The following ASPRV1 variants were observed in gnomAD, a reference collection of about 807,000 sequenced individuals.
The protein encoded by ASPRV1 is retroviral-like aspartic protease 1.
Under a neutral mutation model 11.0 loss-of-function variants are expected in ASPRV1, and 7 were observed. The observed-to-expected ratio is 0.64, with a 90% CI of 0.36 to 1.20. The LOEUF is 1.20. Ranked by LOEUF, ASPRV1 falls within the 50% of genes most tolerant of loss-of-function variation. The pLI is 0.02. For synonymous variants in ASPRV1, 136 were observed against 138.4 expected, an observed-to-expected ratio of 0.98 and a Z score of 0.12; for missense variants, 299 against 320.0, an observed-to-expected ratio of 0.93 and a Z score of 0.50.
the ASPRV1 span, chr2:70,051,429 T>C: frequency 6.6e-6 from 1 of 152,222 alleles, no homozygotes; most frequent in South Asian, 2.1e-4. Context: ...TGAATTGACA[T>C]TTTAAATATG....
At position 69,960,960 on chromosome 2, in the gene ASPRV1, T is replaced by C. The variant is rs1558581052; in HGVS notation, c.477A>G (p.Val159=). 6.2e-7 allele frequency: 1 copy of C among 1,614,092 alleles called. No individual in the cohort carries two copies. Among genetic ancestry groups the C allele is most frequent in the Non-Finnish European group, 8.5e-7 (1 of 1,180,010 alleles). ...LDTLQPFENV[V]KVANGAEMKI... The stretch of plus-strand genomic sequence containing the variant: ...TCATTTCAGCACCATTGGCCACCTT[T>C]ACCACATTCTCAAAGGGCTGCAGGG... Residue 159 remains valine, a synonymous_variant, in exon 1 of 1, where the codon GTA becomes GTG. Transcript: ENST00000320256.
chr2:69,991,125 G>A, the ASPRV1 span, among the ~76,000 whole-genome samples: 6 of 152,188 alleles, frequency 3.9e-5, no homozygotes, highest in South Asian at 1.2e-3. Context: ...CCACTGCTCT[G>A]CCCCCACACC....
the ASPRV1 span, among the ~76,000 whole-genome samples, chr2:70,029,660 G>A: frequency 1.8e-4 from 27 of 152,102 alleles, no homozygotes; most frequent in Admixed American, 3.3e-4. Flanking sequence ...AAACAAAATA[G>A]GAGTCCTGGA....
At chr2:70,081,735 C>T in the ASPRV1 span, among the ~76,000 whole-genome samples, 1 of 151,906 alleles carries the variant, frequency 6.6e-6, no homozygotes, top group African/African-American at 2.4e-5. Flanking sequence ...AGGTGCACGC[C>T]ACCACACCCA....
the ASPRV1 span, among the ~76,000 whole-genome samples, chr2:70,033,845 T>C: frequency 3.3e-5 from 5 of 152,086 alleles, no homozygotes; most frequent in African/African-American, 4.8e-5. Flanking sequence ...CTTCTGACAC[T>C]GAGAATGTGA....
At chr2:69,959,828 T>C (rs552514353), downstream of ASPRV1, among the ~76,000 whole-genome samples, 11 of 152,344 alleles carry the variant, frequency 7.2e-5, 1 homozygote, top group South Asian at 4.1e-4. Flanking sequence ...CTTTTGGGTA[T>C]AGAGGCAATT....
the ASPRV1 span, among the ~76,000 whole-genome samples, chr2:70,063,729 T>C: frequency 1.1e-4 from 16 of 152,168 alleles, no homozygotes; most frequent in African/African-American, 3.9e-4. Context: ...GAGAAAGTAA[T>C]ATACACTCTC....
At chr2:70,066,261 G>A in the ASPRV1 span, among the ~76,000 whole-genome samples, 1 of 150,328 alleles carries the variant, frequency 6.7e-6, no homozygotes, top group South Asian at 2.1e-4. Flanking sequence ...TTTTTGAGAT[G>A]GAGTTTCGCT....
the ASPRV1 span, among the ~76,000 whole-genome samples, chr2:69,948,054 C>A: frequency 1.1e-4 from 16 of 150,800 alleles, no homozygotes; most frequent in African/African-American, 3.7e-4. Flanking sequence ...TAGGAGTAAG[C>A]CAGAGAGACA....
chr2:70,079,400 G>C, the ASPRV1 span, among the ~76,000 whole-genome samples: 1 of 152,080 alleles, frequency 6.6e-6, no homozygotes, highest in African/African-American at 2.4e-5. Flanking sequence ...TTGAGACCAG[G>C]AATTCAAGGC....
At chr2:70,016,502 C>A in the ASPRV1 span, among the ~76,000 whole-genome samples, 69 of 152,208 alleles carry the variant, frequency 4.5e-4, no homozygotes, top group African/African-American at 1.6e-3. Context: ...GATTATGCCA[C>A]TGCACTCCAG....
the ASPRV1 span, among the ~76,000 whole-genome samples, chr2:70,057,950 T>C: frequency 3.9e-3 from 583 of 149,584 alleles, 2 homozygotes; most frequent in South Asian, 0.018. Flanking sequence ...CATGCCACCA[T>C]GCCCAGCTAA....
chr2:69,970,214 C>T, the ASPRV1 span, among the ~76,000 whole-genome samples: 226 of 152,176 alleles, frequency 1.5e-3, 1 homozygote, highest in African/African-American at 5.2e-3. Flanking sequence ...ACCCTGGCCT[C>T]AGGGCACCCT....
At chr2:70,065,180 G>T in the ASPRV1 span, among the ~76,000 whole-genome samples, 3 of 151,812 alleles carry the variant, frequency 2.0e-5, no homozygotes, top group South Asian at 6.2e-4. Flanking sequence ...AGGTTGAGGC[G>T]GGTGGATCAT....
the ASPRV1 span, among the ~76,000 whole-genome samples, chr2:70,073,831 G>A: frequency 6.6e-6 from 1 of 151,946 alleles, no homozygotes; most frequent in Non-Finnish European, 1.5e-5. Flanking sequence ...CCTGCACAAG[G>A]CAGACTCTCT....
chr2:69,990,858 G>A, the ASPRV1 span, among the ~76,000 whole-genome samples: 75 of 152,168 alleles, frequency 4.9e-4, no homozygotes, highest in Middle Eastern at 3.4e-3. Context: ...GACATTAGGC[G>A]CCCTCGGGCC....
At chr2:70,043,665 G>A in the ASPRV1 span, among the ~76,000 whole-genome samples, 1 of 152,244 alleles carries the variant, frequency 6.6e-6, no homozygotes, top group Admixed American at 6.5e-5. Context: ...GAAATGCCCT[G>A]CCCTTGTTGC....
chr2:70,057,165 G>T, the ASPRV1 span, among the ~76,000 whole-genome samples: 1 of 151,928 alleles, frequency 6.6e-6, no homozygotes, highest in African/African-American at 2.4e-5. Flanking sequence ...ACTTTGGGAG[G>T]CCAAGGTAGG....
the ASPRV1 span, among the ~76,000 whole-genome samples, chr2:70,079,243 G>A: frequency 3.9e-5 from 6 of 152,138 alleles, no homozygotes; most frequent in Admixed American, 1.3e-4. Flanking sequence ...TGAATTGTCA[G>A]GGAATAACGG....
Sources: gnomAD v4.1 joint callset for allele counts (sites outside exome capture counted in the v4.1 genomes callset) on GRCh38, gnomAD v4.1.1 for gene constraint, MANE v1.5 for transcripts, NCBI Gene and HGNC (gene_info 2026-07-23, HGNC 2026-07-21) for gene names.